PRKN: variants seen among roughly 807,000 people sequenced by gnomAD.
The protein encoded by PRKN is E3 ubiquitin-protein ligase parkin.
In PRKN, 56 loss-of-function variants were observed where a neutral mutation model predicts 59.5. The observed-to-expected ratio is 0.94, with a 90% CI of 0.76 to 1.18. The LOEUF is 1.18. Ranked by LOEUF, PRKN falls within the 50% of genes most tolerant of loss-of-function variation. PRKN has a pLI of 0.00. For missense variants in PRKN, 657 were observed against 596.4 expected (o/e 1.10, Z -1.06); for synonymous variants, 250 against 222.1 (o/e 1.13, Z -1.12).
At chr6:161,647,880 AG>A (rs1365350113) in intron 7 of PRKN, among the ~76,000 whole-genome samples, 1 of 152,248 alleles carries the variant, frequency 6.6e-6, no homozygotes, top group Non-Finnish European at 1.5e-5. Context: ...CAAAGAGCCC[AG>A]TTAAAGTGAG....
At chr6:161,639,050 G>A (rs937455189) in intron 7 of PRKN, among the ~76,000 whole-genome samples, 7 of 152,044 alleles carry the variant, frequency 4.6e-5, no homozygotes, top group Admixed American at 2.6e-4. Flanking sequence ...CCGATCTGAC[G>A]GTTTTTCCCC....
intron 4 of PRKN, among the ~76,000 whole-genome samples, chr6:162,061,858 T>C (rs1433438875): frequency 6.6e-6 from 1 of 152,176 alleles, no homozygotes; most frequent in African/African-American, 2.4e-5. Context: ...AAAAAAATGG[T>C]ATTACAAATG....
chr6:161,855,621 G>A (rs1202622449), intron 6 of PRKN, among the ~76,000 whole-genome samples: 1 of 152,004 alleles, frequency 6.6e-6, no homozygotes, highest in Non-Finnish European at 1.5e-5. Flanking sequence ...TTATGCTATA[G>A]GGTAAGCTCA....
chr6:161,527,053 G>GA lies in PRKN; in HGVS notation c.1083+21800dup, dbSNP rs2115373186. Among the ~76,000 whole-genome samples, 1 of 152,256 alleles carries GA rather than the reference G, an allele frequency of 6.6e-6. No homozygotes were observed. Among genetic ancestry groups the GA allele is most frequent in the East Asian group, 1.9e-4 (1 of 5,178 alleles). On this transcript the variant is annotated intron_variant, in intron 9 of 11. Coordinates refer to ENST00000366898, the MANE Select transcript of PRKN (RefSeq NM_004562.3). The surrounding 1 kb of genome is among the most constrained non-coding windows in gnomAD (Gnocchi z 4.6). ...AGTTGTTTCAGTGCATCTCTCAGAA[G>GA]AATCTGTGATCACCTGTGACAGAGT...
intron 2 of PRKN, among the ~76,000 whole-genome samples, chr6:162,323,818 A>G (rs1259184168): frequency 1.3e-5 from 2 of 152,174 alleles, no homozygotes; most frequent in East Asian, 3.9e-4. Context: ...ATAAAATGGT[A>G]ATCAGTTTGG....
chr6:162,003,629 AT>A (rs1257341130), intron 5 of PRKN, among the ~76,000 whole-genome samples: 1 of 152,136 alleles, frequency 6.6e-6, no homozygotes, highest in African/African-American at 2.4e-5. Context: ...GAAAGAGGGT[AT>A]TCGTTCATTT....
In PRKN at chr6:161,385,169, C is replaced by A. The variant is rs1270898736; in HGVS notation, c.1167+1625G>T. 6.6e-6 allele frequency among the ~76,000 whole-genome samples: 1 copy of A among 151,420 alleles called. No individual in the cohort carries two copies. The highest frequency in any genetic ancestry group is 2.4e-5 in the African/African-American group (1 of 41,014). The stretch of plus-strand genomic sequence containing the variant: ...GATCTCAATCTCTTGACCTCATGAT[C>A]CGCCCACCTCGGCCTCCCAAAGTGC... On this transcript the variant is annotated intron_variant, in intron 10 of 11. Coordinates refer to ENST00000366898, the MANE Select transcript of PRKN (RefSeq NM_004562.3). This position sits in a 1 kb window ranked among gnomAD's most constrained non-coding sequence, Gnocchi z 4.9.
At chr6:162,104,218 G>A (rs1261871794) in intron 4 of PRKN, among the ~76,000 whole-genome samples, 1 of 152,288 alleles carries the variant, frequency 6.6e-6, no homozygotes, top group East Asian at 1.9e-4. Context: ...AGGGGTGAAT[G>A]AGTTAATCCA....
chr6:161,775,887 T>C (rs1189814526), intron 7 of PRKN, among the ~76,000 whole-genome samples: 2 of 152,072 alleles, frequency 1.3e-5, no homozygotes, highest in African/African-American at 4.8e-5. Context: ...CGGACTATAG[T>C]TGGTGAGCTG....
At chr6:161,536,034 T>A (rs1779401795) in intron 9 of PRKN, among the ~76,000 whole-genome samples, 1 of 152,202 alleles carries the variant, frequency 6.6e-6, no homozygotes, top group Non-Finnish European at 1.5e-5. Flanking sequence ...GAGGTGATTT[T>A]GTTTGCTACT....
At chr6:162,548,643 G>A (rs145395560) in intron 1 of PRKN, among the ~76,000 whole-genome samples, 2 of 152,260 alleles carry the variant, frequency 1.3e-5, no homozygotes, top group African/African-American at 4.8e-5. Flanking sequence ...TTGGAAGGAT[G>A]GCTATCCTTC....
chr6:162,664,831 T>C (rs976207847), intron 1 of PRKN, among the ~76,000 whole-genome samples: 2 of 152,170 alleles, frequency 1.3e-5, no homozygotes, highest in Non-Finnish European at 2.9e-5. Flanking sequence ...ATTCTCTAGG[T>C]TGCCTGTGCA....
At chr6:162,576,159 T>C (rs1213263197) in intron 1 of PRKN, among the ~76,000 whole-genome samples, 1 of 152,200 alleles carries the variant, frequency 6.6e-6, no homozygotes, top group African/African-American at 2.4e-5. Flanking sequence ...AACCATATCC[T>C]GATTTCCAGT....
rs1049058003 is a variant in PRKN at position 161,377,809 on chromosome 6, A to G, written c.1167+8985T>C. Among the ~76,000 whole-genome samples, 3 of 152,170 alleles carry G rather than the reference A, an allele frequency of 2.0e-5. No individual in the cohort carries two copies. The highest frequency in any genetic ancestry group is 7.2e-5 in the African/African-American group (3 of 41,446). On this transcript the variant is annotated intron_variant, in intron 10 of 11. Transcript: ENST00000366898. The surrounding 1 kb of genome is among the most constrained non-coding windows in gnomAD (Gnocchi z 4.2). ...CTTGCCCCTTCTACCATGTGAGGGT[A>G]TAGCTAGAAGACGTCATCTACAAAC...
Position 161,525,040 on chromosome 6 carries a change from C to T in PRKN, c.1083+23814G>A, listed in dbSNP as rs1331998028. On this transcript the variant is annotated intron_variant, in intron 9 of 11. Transcript: ENST00000366898. The surrounding 1 kb of genome is among the most constrained non-coding windows in gnomAD (Gnocchi z 4.7). ...TCAAATATGTTTGTTGTAGCTTGTT[C>T]TTACCTCTATTCTGCCTAAGCAAAT... Among the ~76,000 whole-genome samples the T allele has an allele frequency of 2.0e-5, 3 of 152,058 alleles. No individual in the cohort carries two copies. Among genetic ancestry groups the T allele is most frequent in the Non-Finnish European group, 4.4e-5 (3 of 68,008 alleles).
At chr6:162,133,906 G>A (rs1366889643) in intron 4 of PRKN, among the ~76,000 whole-genome samples, 2 of 152,122 alleles carry the variant, frequency 1.3e-5, no homozygotes, top group East Asian at 1.9e-4. Flanking sequence ...GAGAGATGCT[G>A]AGCCTAGATA....
intron 7 of PRKN, among the ~76,000 whole-genome samples, chr6:161,677,265 G>A (rs1785121751): frequency 6.6e-6 from 1 of 151,798 alleles, no homozygotes; most frequent in Non-Finnish European, 1.5e-5. Context: ...TCTCTACAAT[G>A]AAATCTTAGC....
At chr6:161,493,366 C>T (rs1777628502) in intron 9 of PRKN, among the ~76,000 whole-genome samples, 1 of 152,186 alleles carries the variant, frequency 6.6e-6, no homozygotes, top group Non-Finnish European at 1.5e-5. Flanking sequence ...AGGACACTGG[C>T]ACTCACTGGG....
intron 4 of PRKN, among the ~76,000 whole-genome samples, chr6:162,070,210 T>C (rs1468481433): frequency 1.3e-5 from 2 of 152,224 alleles, no homozygotes; most frequent in East Asian, 1.9e-4. Context: ...GGTTCTCACA[T>C]GTAACTACTT....
Sources: gnomAD v4.1 joint callset for allele counts (sites outside exome capture counted in the v4.1 genomes callset) on GRCh38, gnomAD v4.1.1 for gene constraint, Gnocchi (gnomAD v3.1) non-coding constraint, MANE v1.5 for transcripts, NCBI Gene and HGNC (gene_info 2026-07-23, HGNC 2026-07-21) for gene names.